Variants in SAMD4A observed in about 807,000 individuals in gnomAD.
SAMD4A encodes the protein sterile alpha motif domain containing 4A.
SAMD4A carries 33 observed loss-of-function variants against 81.3 expected under a neutral mutation model. The ratio of observed to expected loss-of-function variants is 0.41; its 90% CI spans 0.31 to 0.54. The LOEUF is 0.54. Among genes scored for constraint, SAMD4A ranks in the 20% least tolerant of loss-of-function variants. SAMD4A has a pLI of 0.37. For missense variants in SAMD4A, 854 were observed against 951.1 expected (o/e 0.90, Z 1.34); for synonymous variants, 389 against 382.1 (o/e 1.02, Z -0.21).
chr14:54,691,810 A>G (rs76868793), intron 2 of SAMD4A, among the ~76,000 whole-genome samples: 315 of 152,218 alleles, frequency 2.1e-3, no homozygotes, highest in Non-Finnish European at 3.9e-3. Context: ...GGGTCACCCA[A>G]CTCTGTCCTT....
At chr14:54,719,182 A>G (rs1325790185) in intron 3 of SAMD4A, among the ~76,000 whole-genome samples, 1 of 152,076 alleles carries the variant, frequency 6.6e-6, no homozygotes, top group Non-Finnish European at 1.5e-5. Context: ...TCTAGAGGAA[A>G]GGCAACCTGC....
At chr14:54,676,541 T>C (rs2035998302) in intron 2 of SAMD4A, among the ~76,000 whole-genome samples, 1 of 130,560 alleles carries the variant, frequency 7.7e-6, no homozygotes, top group African/African-American at 3.3e-5. Context: ...CACACCCAGC[T>C]AATTTTTTTT....
At chr14:54,577,834 C>A (rs921000369) in intron 2 of SAMD4A, among the ~76,000 whole-genome samples, 1 of 152,184 alleles carries the variant, frequency 6.6e-6, no homozygotes, top group Non-Finnish European at 1.5e-5. Context: ...GAGCAGAGAG[C>A]TGTCACTGCT....
chr14:54,731,182 CT>C (rs1453403615), intron 3 of SAMD4A, among the ~76,000 whole-genome samples: 1 of 152,186 alleles, frequency 6.6e-6, no homozygotes, highest in African/African-American at 2.4e-5. Flanking sequence ...AAACAATCAC[CT>C]TTTTGTAGCT....
chr14:54,714,920 T>G (rs1288427043), intron 3 of SAMD4A, among the ~76,000 whole-genome samples: 2 of 152,088 alleles, frequency 1.3e-5, no homozygotes, highest in African/African-American at 4.8e-5. Context: ...ATTATTCCCT[T>G]AAGGATTGTT....
At chr14:54,669,046 T>G (rs1432046513) in intron 2 of SAMD4A, among the ~76,000 whole-genome samples, 1 of 152,262 alleles carries the variant, frequency 6.6e-6, no homozygotes, top group African/African-American at 2.4e-5. Flanking sequence ...ATGCTTTATC[T>G]TCCTTTAATT....
At chr14:54,716,930 AG>A (rs2037134311) in intron 3 of SAMD4A, among the ~76,000 whole-genome samples, 1 of 152,154 alleles carries the variant, frequency 6.6e-6, no homozygotes, top group South Asian at 2.1e-4. Context: ...CAGAGGATGT[AG>A]GCTTCCCAGA....
chr14:54,641,003 T>C (rs1240219451), intron 2 of SAMD4A, among the ~76,000 whole-genome samples: 1 of 152,194 alleles, frequency 6.6e-6, no homozygotes, highest in Non-Finnish European at 1.5e-5. Context: ...TTCACCTCTC[T>C]CCAATTCACC....
intron 2 of SAMD4A, chr14:54,682,198 A>G (rs941855849): frequency 3.1e-6 from 1 of 325,078 alleles, no homozygotes; most frequent in Non-Finnish European, 4.4e-6. Context: ...ATGAGTTTAT[A>G]GGGGAAGAGT....
intron 3 of SAMD4A, among the ~76,000 whole-genome samples, chr14:54,733,847 G>A (rs1223136486): frequency 6.6e-6 from 1 of 151,432 alleles, no homozygotes; most frequent in Non-Finnish European, 1.5e-5. Flanking sequence ...AAAAACTTCT[G>A]CCCGAATGTC....
rs527726180 is a variant in SAMD4A at position 54,641,954 on chromosome 14, C to T, written c.197-60108C>T. On this transcript the variant is annotated intron_variant, in intron 2 of 12. Transcript: ENST00000554335. The stretch of plus-strand genomic sequence containing the variant: ...TTGGGATTACAGGTGCACACCACCA[C>T]GCCCAGCTAATTTTTGTATTTTTAG... Among the ~76,000 whole-genome samples the T allele has an allele frequency of 8.5e-5, 13 of 152,260 alleles. No individual in the cohort carries two copies. In the East Asian group the frequency reaches 1.5e-3, roughly 18 times the overall value.
At chr14:54,702,618 G>A in intron 3 of SAMD4A, 38 bp downstream of exon 3, 1 of 1,602,180 alleles carries the variant, frequency 6.2e-7, no homozygotes, top group Non-Finnish European at 8.5e-7. Flanking sequence ...AGTCTGGTTT[G>A]GCGATTTGCT....
intron 2 of SAMD4A, among the ~76,000 whole-genome samples, chr14:54,585,084 C>T (rs2140159053): frequency 6.6e-6 from 1 of 152,254 alleles, no homozygotes; most frequent in Non-Finnish European, 1.5e-5. Flanking sequence ...ATTTGACATA[C>T]TGTACAGTGG....
intron 3 of SAMD4A, among the ~76,000 whole-genome samples, chr14:54,710,561 C>G (rs977894323): frequency 3.3e-5 from 5 of 152,148 alleles, no homozygotes; most frequent in Non-Finnish European, 5.9e-5. Context: ...CCTCCTAATC[C>G]TATCCTCAGA....
chr14:54,774,955 C>G lies in SAMD4A; in HGVS notation c.1737C>G (p.Asn579Lys). 6.2e-7 allele frequency: 1 copy of G among 1,614,240 alleles called. No homozygotes were observed. Among genetic ancestry groups the G allele is most frequent in the East Asian group, 2.2e-5 (1 of 44,892 alleles). ...QQRNRGFGQS[N>K]SLPTAGSVGG... ...ACAGTCGAGGCTTTGGGCAATCCAACTCCCTCCCGACGGCTGGCTCTGTGG... is the reference window on the plus strand; with the variant it reads ...ACAGTCGAGGCTTTGGGCAATCCAAGTCCCTCCCGACGGCTGGCTCTGTGG... The change falls in exon 10 of 13, where the codon AAC becomes AAG. Residue 579 changes from asparagine to lysine, a missense_variant. Physicochemically the swap from Asn to Lys is moderately conservative, Grantham distance 94. Transcript: ENST00000554335.
In SAMD4A at chr14:54,638,871, G is replaced by A. The variant is rs565689320; in HGVS notation, c.197-63191G>A. On this transcript the variant is annotated intron_variant, in intron 2 of 12. Transcript: ENST00000554335. Reference sequence around the variant, plus strand: ...CGATGTTCTAAGAGAGTGGACATTCGGCAGTTAGTGCTATTTTAAATGGTG... The same window carrying A: ...CGATGTTCTAAGAGAGTGGACATTCAGCAGTTAGTGCTATTTTAAATGGTG... Among the ~76,000 whole-genome samples the A allele has an allele frequency of 1.1e-4, 16 of 152,258 alleles. No individual in the cohort carries two copies. The South Asian group carries it at 1.7e-3, about 16-fold the overall frequency.
intron 2 of SAMD4A, among the ~76,000 whole-genome samples, chr14:54,612,046 G>A (rs2034371631): frequency 6.6e-6 from 1 of 152,176 alleles, no homozygotes; most frequent in African/African-American, 2.4e-5. Context: ...CAGATGGGCA[G>A]TGATGGGGGC....
chr14:54,752,665 T>A (rs2038137233), intron 6 of SAMD4A, among the ~76,000 whole-genome samples: 1 of 151,962 alleles, frequency 6.6e-6, no homozygotes, highest in Non-Finnish European at 1.5e-5. Flanking sequence ...GACGAGAGAC[T>A]GAGAAAAGAA....
intron 4 of SAMD4A, among the ~76,000 whole-genome samples, chr14:54,742,348 G>T (rs555539498): frequency 5.4e-4 from 82 of 152,120 alleles, no homozygotes; most frequent in Non-Finnish European, 5.9e-5. Flanking sequence ...GAATGGGGGG[G>T]GCAGCATGGG....
Sources: gnomAD v4.1 joint callset for allele counts (sites outside exome capture counted in the v4.1 genomes callset) on GRCh38, gnomAD v4.1.1 for gene constraint, MANE v1.5 for transcripts, NCBI Gene and HGNC (gene_info 2026-07-23, HGNC 2026-07-21) for gene names.